NELL1: variants seen among roughly 807,000 people sequenced by gnomAD.
The protein encoded by NELL1 is neural EGFL like 1.
Under a neutral mutation model 107.4 loss-of-function variants are expected in NELL1, and 76 were observed. The observed-to-expected ratio is 0.71, with a 90% CI of 0.59 to 0.86. The LOEUF (loss-of-function observed/expected upper bound fraction) is 0.86. NELL1 is among the 40% of genes least tolerant of loss of function. The probability of loss-of-function intolerance (pLI) is 0.00; values close to 1 mark genes in which losing one functional copy is unlikely to be tolerated. For synonymous variants in NELL1, 353 were observed against 341.2 expected (o/e 1.03, Z -0.38); for missense variants, 1,024 against 1,005.5 (o/e 1.02, Z -0.25).
chr11:20,757,467 CTTA>C (rs1315889082), intron 2 of NELL1, among the ~76,000 whole-genome samples: 2 of 152,192 alleles, frequency 1.3e-5, no homozygotes, highest in Non-Finnish European at 2.9e-5. Context: ...TAGCTGGACT[CTTA>C]TTATCTTCCT....
chr11:20,760,578 A>G (rs1323949791), intron 2 of NELL1, among the ~76,000 whole-genome samples: 3 of 152,196 alleles, frequency 2.0e-5, no homozygotes, highest in Non-Finnish European at 4.4e-5. Context: ...AAGAAGGCAC[A>G]TGGAGTGTGT....
intron 13 of NELL1, among the ~76,000 whole-genome samples, chr11:21,181,943 G>T (rs909446724): frequency 9.2e-5 from 14 of 151,830 alleles, no homozygotes; most frequent in Non-Finnish European, 1.5e-4. Context: ...ATTATTCTAA[G>T]ACTTTACATA....
intron 15 of NELL1, among the ~76,000 whole-genome samples, chr11:21,426,104 A>C (rs1590923936): frequency 6.6e-6 from 1 of 152,098 alleles, no homozygotes; most frequent in East Asian, 1.9e-4. Context: ...AGAGGAGAAA[A>C]CCCTTTTGTT....
At chr11:21,100,845 T>TC in intron 12 of NELL1, among the ~76,000 whole-genome samples, 2 of 152,176 alleles carry the variant, frequency 1.3e-5, no homozygotes, top group African/African-American at 4.8e-5. Context: ...TTTCTTTCTT[T>TC]TTTTTAATTA....
intron 4 of NELL1, among the ~76,000 whole-genome samples, chr11:20,870,865 A>C (rs948465669): frequency 1.3e-5 from 2 of 152,232 alleles, no homozygotes; most frequent in Non-Finnish European, 2.9e-5. Flanking sequence ...TTCTTTCAAG[A>C]AGATGATGAT....
At chr11:21,427,528 A>T (rs1564888725) in intron 15 of NELL1, among the ~76,000 whole-genome samples, 1 of 152,184 alleles carries the variant, frequency 6.6e-6, no homozygotes, top group Non-Finnish European at 1.5e-5. Flanking sequence ...TAACAATTAA[A>T]CATACATGAA....
chr11:21,425,060 A>G (rs929116499), intron 15 of NELL1, among the ~76,000 whole-genome samples: 3 of 152,186 alleles, frequency 2.0e-5, no homozygotes, highest in African/African-American at 7.2e-5. Flanking sequence ...TTAATTCAAA[A>G]GCCTATTAAA....
At chr11:20,969,603 T>G (rs2134227143) in intron 12 of NELL1, among the ~76,000 whole-genome samples, 2 of 152,056 alleles carry the variant, frequency 1.3e-5, no homozygotes, top group South Asian at 4.2e-4. Context: ...ATTTCTGTTT[T>G]CTAACATTTT....
chr11:21,341,515 A>G (rs969944078), intron 14 of NELL1, among the ~76,000 whole-genome samples: 1 of 152,232 alleles, frequency 6.6e-6, no homozygotes, highest in African/African-American at 2.4e-5. Context: ...ATTAGTGTTT[A>G]TGACTGTAGG....
chr11:21,160,078 G>A (rs1231193773), intron 13 of NELL1, among the ~76,000 whole-genome samples: 1 of 152,182 alleles, frequency 6.6e-6, no homozygotes, highest in East Asian at 1.9e-4. Context: ...TGTTTTTAGA[G>A]AAAACCACAT....
intron 3 of NELL1, among the ~76,000 whole-genome samples, chr11:20,818,406 C>CTTT (rs57318040): frequency 1.3e-4 from 14 of 108,684 alleles, no homozygotes; most frequent in African/African-American, 3.6e-4. Flanking sequence ...GCAACCCCTG[C>CTTT]TTTTTTTTTT....
intron 2 of NELL1, among the ~76,000 whole-genome samples, chr11:20,780,956 A>G (rs1225013204): frequency 1.3e-5 from 2 of 152,214 alleles, no homozygotes; most frequent in African/African-American, 4.8e-5. Flanking sequence ...ATTTTATCCT[A>G]TGAGCAATGG....
At chr11:21,222,365 A>AT (rs1320853607) in intron 13 of NELL1, among the ~76,000 whole-genome samples, 2,000 of 136,256 alleles carry the variant, frequency 0.015, 21 homozygotes, top group African/African-American at 0.036. Context: ...ATTTTTTTGT[A>AT]TTTTTTTTTT....
chr11:21,528,183 A>AT (rs1855900874), intron 15 of NELL1, among the ~76,000 whole-genome samples: 1 of 152,186 alleles, frequency 6.6e-6, no homozygotes, highest in African/African-American at 2.4e-5. Flanking sequence ...TGCCTAATGA[A>AT]TGTCTACCTG....
rs183200296 is a variant in NELL1, at chr11:20,980,619, A to G, written c.1300+20059A>G. 1.7e-3 allele frequency among the ~76,000 whole-genome samples: 263 copies of G among 152,336 alleles called. 1 individual carries two copies. The highest frequency in any genetic ancestry group is 5.9e-3 in the African/African-American group (244 of 41,588). On this transcript the variant is annotated intron_variant, in intron 12 of 19. Coordinates refer to ENST00000357134, the MANE Select transcript of NELL1 (RefSeq NM_006157.5). The stretch of plus-strand genomic sequence containing the variant: ...GTAGAAATAAGCCTAAATAAGTTCT[A>G]TACAGTTCTGAATTTTTTAAGATAG...
At chr11:21,320,059 C>T (rs1046608898) in intron 14 of NELL1, among the ~76,000 whole-genome samples, 2 of 152,048 alleles carry the variant, frequency 1.3e-5, no homozygotes, top group African/African-American at 2.4e-5. Context: ...CAGTAGATCA[C>T]GGGACTTCAT....
At chr11:21,247,414 G>T (rs914662827) in intron 14 of NELL1, among the ~76,000 whole-genome samples, 1 of 151,808 alleles carries the variant, frequency 6.6e-6, no homozygotes, top group Non-Finnish European at 1.5e-5. Flanking sequence ...ATAAGCTTTT[G>T]TCTATTTTTA....
chr11:21,127,373 A>G (rs550754534), intron 13 of NELL1, among the ~76,000 whole-genome samples: 1 of 152,144 alleles, frequency 6.6e-6, no homozygotes, highest in South Asian at 2.1e-4. Context: ...AAGTGGGAGA[A>G]TCATTGAGGC....
chr11:21,038,582 C>T (rs1853151322), intron 12 of NELL1, among the ~76,000 whole-genome samples: 2 of 152,204 alleles, frequency 1.3e-5, no homozygotes, highest in African/African-American at 4.8e-5. Flanking sequence ...TTCTTACCAA[C>T]TCAAACGCCA....
Sources: gnomAD v4.1 joint callset for allele counts (sites outside exome capture counted in the v4.1 genomes callset) on GRCh38, gnomAD v4.1.1 for gene constraint, MANE v1.5 for transcripts, NCBI Gene and HGNC (gene_info 2026-07-23, HGNC 2026-07-21) for gene names.